Variants in GNAT3 observed in about 807,000 individuals in gnomAD.
GNAT3 encodes G protein subunit alpha transducin 3, also known as guanine nucleotide-binding protein G(t) subunit alpha-3.
Under a neutral mutation model 37.7 loss-of-function variants are expected in GNAT3, and 31 were observed. The observed-to-expected ratio is 0.82, with a 90% CI of 0.62 to 1.11. The LOEUF (loss-of-function observed/expected upper bound fraction) is 1.11. Ranked by LOEUF, GNAT3 falls within the 50% of genes most tolerant of loss-of-function variation. The pLI is 0.00. For missense variants in GNAT3, 437 were observed against 412.5 expected, an observed-to-expected ratio of 1.06 and a Z score of -0.51; for synonymous variants, 138 against 139.8, an observed-to-expected ratio of 0.99 and a Z score of 0.09.
rs1321733858 is a variant in GNAT3 at position 80,478,847 on chromosome 7, G to T, written c.455C>A (p.Ala152Glu). Residue 152 changes from alanine (A) to glutamate (E), a missense_variant, in exon 4 of 8, where the codon GCA (alanine) becomes GAA (glutamate). Ala to Glu is a moderately radical substitution (Grantham distance 107). Transcript: ENST00000398291. ...RASEYQLNDS[A>E]AYYLNDLDRI... ...TTAAAGTGAATTCACTTACTAAGCT[G>T]CTGAGTCATTGAGCTGATATTCAGA... is the stretch of plus-strand genomic sequence containing the variant. 6.2e-7 allele frequency: 1 copy of T among 1,612,678 alleles called. No individual in the cohort carries two copies. Among genetic ancestry groups the T allele is most frequent in the Non-Finnish European group, 8.5e-7 (1 of 1,179,184 alleles).
chr7:80,504,380 G>GT lies in GNAT3; in HGVS notation c.118+7428_118+7429insA, dbSNP rs1174892741. On this transcript the variant is annotated intron_variant, in intron 1 of 7. Transcript: ENST00000398291. Reference sequence around the variant, plus strand: ...ATTGGCCATTATCTGCACTCTGTGAGGGATAACTTTTTACTAGAGAAGAGC... The same window carrying GT: ...ATTGGCCATTATCTGCACTCTGTGAGTGGATAACTTTTTACTAGAGAAGAGC... 1.4e-4 allele frequency among the ~76,000 whole-genome samples: 21 copies of GT among 152,206 alleles called. No individual in the cohort carries two copies. In the South Asian group the frequency reaches 4.4e-3, roughly 32 times the overall value.
At chr7:80,485,169 T>C (rs1043289418) in intron 3 of GNAT3, among the ~76,000 whole-genome samples, 13 of 84,880 alleles carry the variant, frequency 1.5e-4, no homozygotes, top group African/African-American at 4.7e-4. Context: ...AAATATTGTG[T>C]GTTTTTTTTT....
intron 2 of GNAT3, among the ~76,000 whole-genome samples, chr7:80,491,459 C>G (rs143399620): frequency 2.0e-5 from 3 of 152,280 alleles, no homozygotes; most frequent in African/African-American, 7.2e-5. Context: ...TCATAGAACT[C>G]TAGCAGTTTT....
At chr7:80,497,543 CACATAT>C in intron 1 of GNAT3, among the ~76,000 whole-genome samples, 1 of 106,638 alleles carries the variant, frequency 9.4e-6, no homozygotes, top group Admixed American at 1.0e-4. Context: ...TATATATATA[CACATAT>C]ACGTATATAC....
chr7:80,477,170 A>C (rs1790317898), intron 4 of GNAT3, among the ~76,000 whole-genome samples: 1 of 152,146 alleles, frequency 6.6e-6, no homozygotes, highest in South Asian at 2.1e-4. Context: ...AAATACAATA[A>C]AATGCCATTT....
intron 7 of GNAT3, among the ~76,000 whole-genome samples, chr7:80,461,030 T>C (rs1017488606): frequency 6.9e-6 from 1 of 145,822 alleles, no homozygotes; most frequent in African/African-American, 2.6e-5. Flanking sequence ...TAGTAATCAA[T>C]ATATTTGAAT....
intron 1 of GNAT3, among the ~76,000 whole-genome samples, chr7:80,504,697 G>A (rs1790900123): frequency 6.6e-6 from 1 of 152,160 alleles, no homozygotes; most frequent in Non-Finnish European, 1.5e-5. Context: ...AGAATTTATA[G>A]CACAAAGGCT....
intron 1 of GNAT3, among the ~76,000 whole-genome samples, chr7:80,497,494 T>G (rs1230490836): frequency 6.6e-6 from 1 of 151,636 alleles, no homozygotes; most frequent in Non-Finnish European, 1.5e-5. Context: ...CATCATCCTG[T>G]ACAAATGACA....
rs73369040 is a variant in GNAT3, at chr7:80,489,505, A to G, written c.162-829T>C. 9.0e-3 allele frequency among the ~76,000 whole-genome samples: 1,362 copies of G among 152,174 alleles called. 21 individuals carry two copies. Among genetic ancestry groups the G allele is most frequent in the African/African-American group, 0.031 (1,297 of 41,536 alleles). On this transcript the variant is annotated intron_variant, in intron 2 of 7. Transcript: ENST00000398291. ...ATTACTAAAGATTTATATTGTGTCT[A>G]CACGTATAAAGGCTTTAGCATGGGG...
Position 80,486,172 on chromosome 7 carries a change from A to T in GNAT3, c.303+2363T>A, listed in dbSNP as rs190516957. ...AACCAAGTACTAGAATGCAGCTGAA[A>T]CTGATAGAGTTCACATAAGTGGAAA... On this transcript the variant is annotated intron_variant, in intron 3 of 7. Transcript: ENST00000398291. 6.0e-4 allele frequency among the ~76,000 whole-genome samples: 92 copies of T among 152,288 alleles called. 1 individual carries two copies. The highest frequency in any genetic ancestry group is 5.0e-3 in the South Asian group (24 of 4,826).
rs763698387 is a variant in GNAT3 at position 80,478,838 on chromosome 7, T to C, written c.461+3A>G. 6.2e-7 allele frequency: 1 copy of C among 1,612,314 alleles called. No homozygotes were observed. Among genetic ancestry groups the C allele is most frequent in the Admixed American group, 1.7e-5 (1 of 59,814 alleles). On this transcript the variant is annotated splice_donor_region_variant and intron_variant, in intron 4 of 7. Coordinates refer to ENST00000398291, the MANE Select transcript of GNAT3 (RefSeq NM_001102386.3). ...CAATTCCCCTTAAAGTGAATTCACT[T>C]ACTAAGCTGCTGAGTCATTGAGCTG...
At chr7:80,506,728 AAAAT>A (rs1790949196) in intron 1 of GNAT3, among the ~76,000 whole-genome samples, 1 of 152,172 alleles carries the variant, frequency 6.6e-6, no homozygotes, top group East Asian at 1.9e-4. Flanking sequence ...CTAGAAACAT[AAAAT>A]AAATAATTTG....
At position 80,494,045 on chromosome 7, in the gene GNAT3, C is replaced by T. The variant is rs530246554; in HGVS notation, c.161+560G>A. The stretch of plus-strand genomic sequence containing the variant: ...CAGTAACAAAGCCATGAGGTTTCAC[C>T]CATTTACCTTTACTTATCAATTACC... On this transcript the variant is annotated intron_variant, in intron 2 of 7. Coordinates refer to ENST00000398291, the MANE Select transcript of GNAT3 (RefSeq NM_001102386.3). 2.8e-4 allele frequency among the ~76,000 whole-genome samples: 43 copies of T among 152,250 alleles called. 1 individual carries two copies. The South Asian group carries it at 8.9e-3, about 32-fold the overall frequency.
intron 1 of GNAT3, among the ~76,000 whole-genome samples, chr7:80,500,994 C>A (rs1790822336): frequency 2.0e-5 from 3 of 151,718 alleles, no homozygotes; most frequent in Admixed American, 2.0e-4. Context: ...GATTGACCTG[C>A]CATTGTCTTT....
intron 4 of GNAT3, among the ~76,000 whole-genome samples, chr7:80,477,746 T>C (rs886847123): frequency 3.9e-5 from 6 of 152,156 alleles, no homozygotes; most frequent in Non-Finnish European, 7.3e-5. Context: ...GCAGCTTCTG[T>C]TGGCGGGGAG....
chr7:80,486,053 T>G (rs1790472902), intron 3 of GNAT3, among the ~76,000 whole-genome samples: 1 of 152,314 alleles, frequency 6.6e-6, no homozygotes, highest in South Asian at 2.1e-4. Context: ...AATTGAGAGC[T>G]AACCAGAACT....
rs549654150 is a variant in GNAT3 at position 80,478,164 on chromosome 7, G to T, written c.461+677C>A. Among the ~76,000 whole-genome samples the T allele has an allele frequency of 3.3e-5, 5 of 152,308 alleles. No homozygotes were observed. In the South Asian group the frequency reaches 6.2e-4, roughly 19 times the overall value. ...TACTTCAAGCTGTCTGCCTGCCATG[G>T]CCTCCCAAAGTGCTGGGATTACAGG... On this transcript the variant is annotated intron_variant, in intron 4 of 7. Coordinates refer to ENST00000398291, the MANE Select transcript of GNAT3 (RefSeq NM_001102386.3).
chr7:80,501,341 T>C (rs1195785777), intron 1 of GNAT3, among the ~76,000 whole-genome samples: 1 of 152,050 alleles, frequency 6.6e-6, no homozygotes, highest in Non-Finnish European at 1.5e-5. Flanking sequence ...TACATATACA[T>C]ATATGAACAT....
rs377606266 is a variant in GNAT3, at chr7:80,502,840, C to T, written c.119-8193G>A. On this transcript the variant is annotated intron_variant, in intron 1 of 7. Coordinates refer to ENST00000398291, the MANE Select transcript of GNAT3 (RefSeq NM_001102386.3). ...ATAACCAATTCCACCCCAATCACTC[C>T]TCTCATTTACCGTCCACATGCAGTC... is the stretch of plus-strand genomic sequence containing the variant. Among the ~76,000 whole-genome samples the T allele has an allele frequency of 1.0e-3, 157 of 152,160 alleles. 6 individuals are homozygous for T. The South Asian group carries it at 0.031, about 30-fold the overall frequency.
Sources: allele counts gnomAD v4.1 joint callset (sites outside exome capture counted in the v4.1 genomes callset), GRCh38; gene constraint gnomAD v4.1.1; transcripts MANE v1.5; gene names NCBI Gene and HGNC (gene_info 2026-07-23, HGNC 2026-07-21).